CNTN5: variants seen among roughly 807,000 people sequenced by gnomAD.
The protein encoded by CNTN5 is contactin-5.
Under a neutral mutation model 129.1 loss-of-function variants are expected in CNTN5, and 77 were observed. The ratio of observed to expected loss-of-function variants is 0.60; its 90% CI spans 0.50 to 0.72. The LOEUF is 0.72. Among genes scored for constraint, CNTN5 ranks in the 30% least tolerant of loss-of-function variants. The probability of loss-of-function intolerance (pLI) is 0.00; values close to 1 mark genes in which losing one functional copy is unlikely to be tolerated. For missense variants in CNTN5, 1,478 were observed against 1,328.8 expected (o/e 1.11, Z -1.75); for synonymous variants, 509 against 465.6 (o/e 1.09, Z -1.20).
chr11:99,921,789 A>G (rs1451192558), intron 7 of CNTN5, among the ~76,000 whole-genome samples: 1 of 152,204 alleles, frequency 6.6e-6, no homozygotes, highest in African/African-American at 2.4e-5. Context: ...AATATATGAA[A>G]TGAGCCCAGG....
intron 2 of CNTN5, among the ~76,000 whole-genome samples, chr11:99,519,872 A>G (rs954344344): frequency 2.0e-5 from 3 of 152,086 alleles, no homozygotes; most frequent in Non-Finnish European, 4.4e-5. Flanking sequence ...GAGACCATGC[A>G]TTTAATGTTT....
intron 3 of CNTN5, among the ~76,000 whole-genome samples, chr11:99,682,276 ATAAAG>A (rs1953589803): frequency 6.6e-6 from 1 of 151,856 alleles, no homozygotes; most frequent in African/African-American, 2.4e-5. Flanking sequence ...TTCTGGCAAA[ATAAAG>A]TATTCAAGTG....
intron 3 of CNTN5, among the ~76,000 whole-genome samples, chr11:99,594,117 T>A (rs72997225): frequency 0.054 from 8,240 of 152,310 alleles, 321 homozygotes; most frequent in Non-Finnish European, 0.078. Context: ...TTTTCATGCA[T>A]GCTCTATCCA....
At chr11:99,126,320 A>C (rs17133098) in intron 1 of CNTN5, among the ~76,000 whole-genome samples, 9,390 of 152,228 alleles carry the variant, frequency 0.062, 317 homozygotes, top group African/African-American at 0.085. Flanking sequence ...TCTATCCCCA[A>C]ATCTCTGCTG....
chr11:99,785,315 G>A (rs1945479329), intron 3 of CNTN5, among the ~76,000 whole-genome samples: 1 of 151,918 alleles, frequency 6.6e-6, no homozygotes, highest in East Asian at 1.9e-4. Flanking sequence ...TTGTCAGATG[G>A]ATAGATAGCA....
Position 100,002,104 on chromosome 11 carries a change from A to T in CNTN5, c.948A>T (p.Thr316=). The T allele has an allele frequency of 6.3e-7, 1 of 1,595,214 alleles. No individual in the cohort carries two copies. Among genetic ancestry groups the T allele is most frequent in the Non-Finnish European group, 8.5e-7 (1 of 1,174,112 alleles). The change falls in exon 9 of 25, where the codon ACA becomes ACT. Residue 316 remains threonine, a synonymous_variant. Transcript: ENST00000524871. ...TCACGGTTACAGCTGCTAAAGGAAC[A>T]ACTGTTAAGATGGAATGCTTTGCAC... ...FPFTVTAAKG[T]TVKMECFALG...
At chr11:99,802,566 G>C (rs914582636) in intron 3 of CNTN5, among the ~76,000 whole-genome samples, 8 of 152,162 alleles carry the variant, frequency 5.3e-5, no homozygotes, top group African/African-American at 1.9e-4. Context: ...GTCGGGGGTT[G>C]GAAGGAAACC....
intron 1 of CNTN5, among the ~76,000 whole-genome samples, chr11:99,031,659 T>C (rs531204544): frequency 1.3e-5 from 2 of 152,104 alleles, no homozygotes; most frequent in South Asian, 2.1e-4. Flanking sequence ...AAACCTGGAA[T>C]TGATATTTCA....
chr11:100,135,181 T>G (rs567871353), intron 13 of CNTN5, among the ~76,000 whole-genome samples: 4 of 150,502 alleles, frequency 2.7e-5, no homozygotes, highest in African/African-American at 7.3e-5. Context: ...AAAGTGTTTT[T>G]TTTTTTTTTT....
chr11:100,308,277 A>T, intron 20 of CNTN5, 82 bp from the exon 21 acceptor site: 1 of 1,229,864 alleles, frequency 8.1e-7, no homozygotes. Context: ...AGGTAAGAGG[A>T]ATTTAACACC....
intron 3 of CNTN5, among the ~76,000 whole-genome samples, chr11:99,636,087 A>AT (rs35696243): frequency 0.35 from 53,111 of 151,124 alleles, 9,483 homozygotes; most frequent in South Asian, 0.43. Context: ...CTAGGAAAGC[A>AT]TTTTTTTTTA....
At chr11:99,146,997 A>G (rs1380936978) in intron 1 of CNTN5, among the ~76,000 whole-genome samples, 2 of 152,212 alleles carry the variant, frequency 1.3e-5, no homozygotes, top group East Asian at 3.8e-4. Flanking sequence ...CTGGGATTAA[A>G]GGCATGAGTC....
intron 13 of CNTN5, among the ~76,000 whole-genome samples, chr11:100,131,822 G>GA (rs1299490876): frequency 6.6e-6 from 1 of 152,074 alleles, no homozygotes; most frequent in Non-Finnish European, 1.5e-5. Flanking sequence ...GAAGTTGGGG[G>GA]AAGGGAGACT....
chr11:99,137,061 A>G (rs1162736093), intron 1 of CNTN5, among the ~76,000 whole-genome samples: 1 of 152,196 alleles, frequency 6.6e-6, no homozygotes, highest in Non-Finnish European at 1.5e-5. Context: ...TTTGTCAAGA[A>G]TAAAAATGAT....
intron 2 of CNTN5, among the ~76,000 whole-genome samples, chr11:99,462,278 A>G (rs1944729548): frequency 6.6e-6 from 1 of 152,014 alleles, no homozygotes; most frequent in South Asian, 2.1e-4. Flanking sequence ...AGGGAGAAAG[A>G]GAAAGAAACA....
At chr11:100,132,076 T>C (rs1353854547) in intron 13 of CNTN5, among the ~76,000 whole-genome samples, 1 of 152,076 alleles carries the variant, frequency 6.6e-6, no homozygotes, top group African/African-American at 2.4e-5. Context: ...TTGAGGGCTT[T>C]GAGCAAAGGA....
chr11:99,463,311 G>A (rs182772588), intron 2 of CNTN5, among the ~76,000 whole-genome samples: 4,298 of 150,078 alleles, frequency 0.029, 216 homozygotes, highest in African/African-American at 0.098. Flanking sequence ...GGTGGCGGGC[G>A]CCTGTAGTCC....
intron 2 of CNTN5, among the ~76,000 whole-genome samples, chr11:99,470,026 C>T (rs1364050341): frequency 1.3e-5 from 2 of 152,082 alleles, no homozygotes; most frequent in Non-Finnish European, 2.9e-5. Context: ...TTAGAGCAGC[C>T]TGTCCAAGAC....
intron 3 of CNTN5, among the ~76,000 whole-genome samples, chr11:99,815,566 C>A (rs1946560727): frequency 6.6e-6 from 1 of 152,102 alleles, no homozygotes; most frequent in South Asian, 2.1e-4. Context: ...AATGGTAATG[C>A]AGGGGGTTCC....
Sources: allele counts gnomAD v4.1 joint callset (sites outside exome capture counted in the v4.1 genomes callset), GRCh38; gene constraint gnomAD v4.1.1; transcripts MANE v1.5; gene names NCBI Gene and HGNC (gene_info 2026-07-23, HGNC 2026-07-21).